Variants in PHF14 observed in about 807,000 individuals in gnomAD.
PHF14 encodes PHD finger protein 14.
In PHF14, 55 loss-of-function variants were observed where a neutral mutation model predicts 117.9. That is an observed-to-expected ratio of 0.47 (90% CI 0.38 to 0.58). The LOEUF is 0.58. Ranked by LOEUF, PHF14 falls within the 20% of genes least tolerant of loss-of-function variation. The probability of loss-of-function intolerance (pLI) is 0.00; values close to 1 mark genes in which losing one functional copy is unlikely to be tolerated. For synonymous variants in PHF14, 409 were observed against 368.6 expected, an observed-to-expected ratio of 1.11 and a Z score of -1.26; for missense variants, 978 against 1,122.2, an observed-to-expected ratio of 0.87 and a Z score of 1.84.
intron 6 of PHF14, among the ~76,000 whole-genome samples, chr7:11,025,809 AG>A (rs923036210): frequency 4.0e-5 from 6 of 150,804 alleles, no homozygotes; most frequent in Non-Finnish European, 7.4e-5. Flanking sequence ...AAAAAGAAAA[AG>A]AAAAAGAAAG....
chr7:11,044,800 G>T (rs1261597814), intron 13 of PHF14, among the ~76,000 whole-genome samples: 2 of 152,120 alleles, frequency 1.3e-5, no homozygotes, highest in Middle Eastern at 3.2e-3. Flanking sequence ...GATAAACGCA[G>T]GTTGAGTATC....
intron 4 of PHF14, among the ~76,000 whole-genome samples, chr7:10,996,053 A>G (rs1367368254): frequency 6.6e-6 from 1 of 152,194 alleles, no homozygotes; most frequent in Non-Finnish European, 1.5e-5. Flanking sequence ...AGAGTGAGCG[A>G]GGGCTGTGAG....
At position 10,974,096 on chromosome 7, in the gene PHF14, C is replaced by A; in HGVS notation, c.-228C>A. On this transcript the variant is annotated 5_prime_UTR_variant, in exon 1 of 18. In the 5' UTR this introduces an upstream ATG that the reference lacks. Coordinates refer to ENST00000634607, the MANE Select transcript of PHF14 (RefSeq NM_001007157.2). ...GGAGGTCTTCTCCGGCCAGGGAGCG[C>A]TGTGGGAAGGGGCTCGAGCGGCCAG... 1 of 519,186 alleles carries A rather than the reference C, an allele frequency of 1.9e-6. No homozygotes were observed. Among genetic ancestry groups the A allele is most frequent in the Non-Finnish European group, 3.5e-6 (1 of 288,854 alleles). 32.2% of individuals were successfully genotyped at this position (519,186 alleles called of 1,614,324 possible).
chr7:11,037,920 T>G (rs923326094), intron 10 of PHF14, among the ~76,000 whole-genome samples: 38 of 151,976 alleles, frequency 2.5e-4, no homozygotes, highest in African/African-American at 9.2e-4. Context: ...ATTGGGAAAA[T>G]AGTGGAAATA....
chr7:11,017,299 AT>A (rs922361698), intron 5 of PHF14, among the ~76,000 whole-genome samples: 5 of 152,070 alleles, frequency 3.3e-5, no homozygotes, highest in African/African-American at 1.2e-4. Context: ...TGGCAGCTCA[AT>A]TTTTAGGAAC....
rs568091511 is a variant in PHF14 at position 11,010,855 on chromosome 7, A to G, written c.1046-2892A>G. Among the ~76,000 whole-genome samples the G allele has an allele frequency of 8.2e-4, 124 of 151,984 alleles. 1 individual carries two copies. The highest frequency in any genetic ancestry group is 2.7e-3 in the South Asian group (13 of 4,814). On this transcript the variant is annotated intron_variant, in intron 4 of 17. Coordinates refer to ENST00000634607, the MANE Select transcript of PHF14 (RefSeq NM_001007157.2). ...TTTTTTGTAGAGACAGGGCCTTACT[A>G]TGTTGCCCAGGCTGATCTGAAACTC... is the stretch of plus-strand genomic sequence containing the variant.
chr7:11,122,331 T>TTATATATATATATATATATATATATATA lies in PHF14; in HGVS notation c.2772+10886_2772+10887insTATATATATATATATATATATATATATA, dbSNP rs146463909. ...AAGGGGAGATTACTGTTTGTACTTT[T>TTATATATATATATATATATATATATATA]TATATATATATATATATATATACAC... On this transcript the variant is annotated intron_variant, in intron 17 of 17. Coordinates refer to ENST00000634607, the MANE Select transcript of PHF14 (RefSeq NM_001007157.2). Among the ~76,000 whole-genome samples, 42 of 84,036 alleles carry TTATATATATATATATATATATATATATA rather than the reference T, an allele frequency of 5.0e-4. 1 individual carries two copies. Among genetic ancestry groups the TTATATATATATATATATATATATATATA allele is most frequent in the African/African-American group, 7.1e-4 (12 of 16,926 alleles). 55.1% of individuals were successfully genotyped at this position (84,036 alleles called of 152,430 possible). A position where few individuals can be genotyped will look rare whatever the true frequency, so the allele number is the denominator to read the frequency against.
chr7:11,100,047 C>G (rs1488885767), intron 16 of PHF14, among the ~76,000 whole-genome samples: 4 of 152,014 alleles, frequency 2.6e-5, no homozygotes, highest in Non-Finnish European at 1.5e-5. Flanking sequence ...AAGTATGATC[C>G]AACTTCTAGT....
intron 16 of PHF14, chr7:11,107,309 T>C: frequency 1.0e-6 from 1 of 960,230 alleles, no homozygotes; most frequent in African/African-American, 1.8e-5. Flanking sequence ...AGGGTGCTAT[T>C]CTTAATCATA....
intron 16 of PHF14, chr7:11,062,585 G>T (rs1785266053): frequency 2.0e-6 from 1 of 505,178 alleles, no homozygotes; most frequent in South Asian, 8.6e-5. Context: ...ATAAAGAAAG[G>T]TGAAAAGATG....
intron 3 of PHF14, among the ~76,000 whole-genome samples, chr7:10,989,919 A>T (rs920695151): frequency 2.6e-5 from 4 of 152,214 alleles, no homozygotes; most frequent in African/African-American, 9.6e-5. Flanking sequence ...GGTGTGAGCC[A>T]CTGTGCCCAT....
At chr7:11,134,470 A>G (rs796322612) in intron 17 of PHF14, among the ~76,000 whole-genome samples, 19 of 152,172 alleles carry the variant, frequency 1.2e-4, no homozygotes, top group African/African-American at 4.1e-4. Context: ...TTTAGATTTA[A>G]AAAGTTAATC....
At chr7:11,103,572 C>G in intron 16 of PHF14, 1 of 984,130 alleles carries the variant, frequency 1.0e-6, no homozygotes, top group Non-Finnish European at 1.2e-6. Context: ...AGACTCTTTG[C>G]TGAAATTGAA....
intron 13 of PHF14, among the ~76,000 whole-genome samples, chr7:11,046,227 A>G (rs946243153): frequency 1.3e-5 from 2 of 152,192 alleles, no homozygotes; most frequent in Non-Finnish European, 2.9e-5. Flanking sequence ...TTAAATTCTA[A>G]GACACATTTG....
chr7:11,164,880 T>C (rs1005684266), intron 17 of PHF14, among the ~76,000 whole-genome samples: 46 of 152,196 alleles, frequency 3.0e-4, no homozygotes, highest in African/African-American at 1.0e-3. Context: ...GTCCCCATAG[T>C]CTCCTGTGGT....
intron 4 of PHF14, among the ~76,000 whole-genome samples, chr7:11,011,742 G>A (rs1486636539): frequency 6.6e-6 from 1 of 152,070 alleles, no homozygotes; most frequent in East Asian, 1.9e-4. Context: ...TTTACATTAG[G>A]GCAGTGCCTT....
At chr7:10,975,033 C>T (rs558597705) in intron 2 of PHF14, 88 bp downstream of exon 2, 4 of 729,766 alleles carry the variant, frequency 5.5e-6, no homozygotes, top group Admixed American at 2.9e-5. Context: ...GATTAAAATG[C>T]CAATTTTAAG....
chr7:11,102,915 G>A, intron 16 of PHF14: 1 of 1,060,174 alleles, frequency 9.4e-7, no homozygotes, highest in Non-Finnish European at 1.1e-6. Flanking sequence ...TTACTGAAGA[G>A]TTACTGAAGC....
intron 17 of PHF14, among the ~76,000 whole-genome samples, chr7:11,141,332 G>A (rs1379984101): frequency 6.6e-6 from 1 of 152,034 alleles, no homozygotes; most frequent in African/African-American, 2.4e-5. Context: ...CTGAAGATAT[G>A]TAATAAGTAG....
Sources: allele counts gnomAD v4.1 joint callset (sites outside exome capture counted in the v4.1 genomes callset), GRCh38; gene constraint gnomAD v4.1.1; transcripts MANE v1.5; gene names NCBI Gene and HGNC (gene_info 2026-07-23, HGNC 2026-07-21).